The following TRPC5 variants were observed in gnomAD, a reference collection of about 807,000 sequenced individuals.
The protein encoded by TRPC5 is transient receptor potential cation channel subfamily C member 5, also known as short transient receptor potential channel 5.
A neutral mutation model predicts 56.5 loss-of-function variants in TRPC5; 9 were observed. The observed-to-expected ratio is 0.16, with a 90% confidence interval of 0.10 to 0.28. The LOEUF (loss-of-function observed/expected upper bound fraction) is 0.28. TRPC5 is among the 10% of genes least tolerant of loss of function. TRPC5 has a pLI of 1.00. For missense variants in TRPC5, 469 were observed against 748.9 expected (o/e 0.63, Z 4.36); for synonymous variants, 282 against 278.5 (o/e 1.01, Z -0.13).
At chrX:111,931,498 G>A (rs752055276) in intron 2 of TRPC5, among the ~76,000 whole-genome samples, 2 of 112,049 alleles carry the variant, frequency 1.8e-5, no homozygotes, top group South Asian at 7.6e-4. Flanking sequence ...TGCTTGGGTA[G>A]ACAAAGCTCA....
At chrX:111,777,507 TC>T (rs772206770) in intron 10 of TRPC5, among the ~76,000 whole-genome samples, 4 of 110,450 alleles carry the variant, frequency 3.6e-5, no homozygotes, top group Middle Eastern at 4.6e-3. Flanking sequence ...ACTAGATTGT[TC>T]CTTTAAAAGC....
At chrX:111,939,121 G>T (rs1926694824) in intron 2 of TRPC5, among the ~76,000 whole-genome samples, 2 of 111,811 alleles carry the variant, frequency 1.8e-5, no homozygotes, top group South Asian at 3.7e-4. Context: ...GATGCTGAAG[G>T]TTATCAAATG....
intron 1 of TRPC5, among the ~76,000 whole-genome samples, chrX:112,021,665 A>G (rs1929274482): frequency 1.8e-5 from 2 of 112,442 alleles, no homozygotes; most frequent in Non-Finnish European, 3.8e-5. Context: ...TGTGGAATCT[A>G]AAGGAAATAA....
At chrX:111,926,410 A>C (rs755638616) in intron 2 of TRPC5, among the ~76,000 whole-genome samples, 1 of 112,011 alleles carries the variant, frequency 8.9e-6, no homozygotes, top group South Asian at 3.8e-4. Context: ...AAAAATATTT[A>C]AAAAATAAAG....
intron 1 of TRPC5, among the ~76,000 whole-genome samples, chrX:112,073,924 A>T: frequency 8.9e-6 from 1 of 111,823 alleles, no homozygotes; most frequent in Middle Eastern, 4.6e-3. Context: ...TTGTTTCTTT[A>T]CAGTGTATTT....
At chrX:111,862,132 T>C (rs1214766529) in intron 3 of TRPC5, among the ~76,000 whole-genome samples, 1 of 112,057 alleles carries the variant, frequency 8.9e-6, no homozygotes, top group Non-Finnish European at 1.9e-5. Context: ...CAACTTTTTT[T>C]GCATTTTTAG....
At chrX:111,998,480 T>C (rs1253656038) in intron 1 of TRPC5, among the ~76,000 whole-genome samples, 1 of 111,539 alleles carries the variant, frequency 9.0e-6, no homozygotes, top group Non-Finnish European at 1.9e-5. Context: ...TGTGAAGGGT[T>C]GGTTCCAGGA....
rs748461174 is a variant in TRPC5 at position 111,912,368 on chromosome X, G to C, written c.823C>G (p.His275Asp). The C allele has an allele frequency of 1.7e-6, 2 of 1,211,119 alleles. No individual in the cohort carries two copies. The highest frequency in any genetic ancestry group is 2.2e-6 in the Non-Finnish European group (2 of 895,341). ...LEIILNHRDDHSEELDPQKYH... is the reference protein window; with the variant it reads ...LEIILNHRDDDSEELDPQKYH... ...TTCTGAGGGTCAAGCTCTTCACTGT[G>C]GTCATCTCGATGGTTGAGGATGATC... The change falls in exon 3 of 11, where the codon CAC becomes GAC. Residue 275 changes from histidine to aspartate, a missense_variant. Transcript: ENST00000262839.
chrX:112,054,446 G>A (rs1930292257), intron 1 of TRPC5, among the ~76,000 whole-genome samples: 1 of 110,949 alleles, frequency 9.0e-6, no homozygotes, highest in Non-Finnish European at 1.9e-5. Context: ...TAGGTAATAG[G>A]GAGCCACTCT....
chrX:111,902,646 A>C (rs1239516043), intron 3 of TRPC5: 3 of 113,171 alleles, frequency 2.7e-5, no homozygotes, highest in African/African-American at 9.7e-5. Context: ...GGATACTTTT[A>C]TTTGAAAGGA....
In TRPC5 at chrX:111,877,975, A is replaced by T. The variant is rs376132205; in HGVS notation, c.901-23869T>A. On this transcript the variant is annotated intron_variant, in intron 3 of 10. Transcript: ENST00000262839. ...TAGGTTCTGGTGATTAAGAAAAATAATTTTCTATGGAGTCCTGAAATCAGA... is the reference window on the plus strand; with the variant it reads ...TAGGTTCTGGTGATTAAGAAAAATATTTTTCTATGGAGTCCTGAAATCAGA... 9.9e-5 allele frequency among the ~76,000 whole-genome samples: 11 copies of T among 111,481 alleles called. No homozygotes were observed. In the East Asian group the frequency reaches 2.8e-3, roughly 29 times the overall value.
At position 111,912,567 on chromosome X, in the gene TRPC5, G is replaced by T. The variant is rs748597364; in HGVS notation, c.624C>A (p.Leu208=). Residue 208 remains leucine (L), a synonymous_variant, in exon 3 of 11, where the codon CTC becomes CTA. Coordinates refer to ENST00000262839, the MANE Select transcript of TRPC5 (RefSeq NM_012471.3). ...TGGGGTCCTCACTTGATAAGGCAAT[G>T]AGTGAGGGGCTTGCCAGAGCCTTAT... The part of the protein sequence containing the change: ...NIYKALASPS[L]IALSSEDPIL... 5.8e-6 allele frequency: 7 copies of T among 1,209,848 alleles called. No individual in the cohort carries two copies. Among genetic ancestry groups the T allele is most frequent in the Middle Eastern group, 2.3e-4 (1 of 4,374 alleles).
At chrX:111,781,887 C>T (rs1198360868) in intron 8 of TRPC5, 48 bp downstream of exon 8, 1 of 1,076,518 alleles carries the variant, frequency 9.3e-7, no homozygotes. Flanking sequence ...CAGAGTGAGA[C>T]TCCATCTCAA....
At chrX:111,862,996 A>T (rs1006634666) in intron 3 of TRPC5, among the ~76,000 whole-genome samples, 4 of 112,067 alleles carry the variant, frequency 3.6e-5, no homozygotes, top group African/African-American at 1.3e-4. Context: ...TTGCTAGTGT[A>T]TAGAAACTGT....
intron 7 of TRPC5, among the ~76,000 whole-genome samples, chrX:111,816,015 A>G (rs1347424966): frequency 2.7e-5 from 3 of 111,505 alleles, no homozygotes; most frequent in Non-Finnish European, 5.6e-5. Flanking sequence ...GCCTTTCCTA[A>G]TGTGTGCACA....
chrX:111,961,394 T>C (rs1371732198), intron 1 of TRPC5, among the ~76,000 whole-genome samples: 1 of 111,990 alleles, frequency 8.9e-6, no homozygotes, highest in Admixed American at 9.5e-5. Flanking sequence ...GAATTTTTCA[T>C]ACATAATTAT....
At chrX:111,819,125 G>A (rs925171208) in intron 7 of TRPC5, among the ~76,000 whole-genome samples, 14 of 111,417 alleles carry the variant, frequency 1.3e-4, no homozygotes, top group East Asian at 8.5e-4. Context: ...GAAGTGCACC[G>A]GCATCAGGAA....
At chrX:111,899,606 G>A (rs1368572608) in intron 3 of TRPC5, among the ~76,000 whole-genome samples, 1 of 111,037 alleles carries the variant, frequency 9.0e-6, no homozygotes, top group Non-Finnish European at 1.9e-5. Flanking sequence ...AAGTTAAATA[G>A]GTTTTGTGTG....
intron 1 of TRPC5, among the ~76,000 whole-genome samples, chrX:111,978,497 G>A (rs934574458): frequency 1.8e-5 from 2 of 111,239 alleles, no homozygotes; most frequent in African/African-American, 6.5e-5. Flanking sequence ...TCTTTTAAAA[G>A]TAAGCATACA....
Sources: gnomAD v4.1 joint callset for allele counts (sites outside exome capture counted in the v4.1 genomes callset) on GRCh38, gnomAD v4.1.1 for gene constraint, MANE v1.5 for transcripts, NCBI Gene and HGNC (gene_info 2026-07-23, HGNC 2026-07-21) for gene names.